The following PTPN4 variants were observed in gnomAD, a reference collection of about 807,000 sequenced individuals.
PTPN4 encodes tyrosine-protein phosphatase non-receptor type 4.
In PTPN4, 49 loss-of-function variants were observed where a neutral mutation model predicts 135.5. The ratio of observed to expected loss-of-function variants is 0.36; its 90% CI spans 0.29 to 0.46. The LOEUF (loss-of-function observed/expected upper bound fraction) is 0.46, where lower values mean the gene tolerates loss of function less well. PTPN4 is among the 20% of genes least tolerant of loss of function. The pLI is 1.00. For synonymous variants in PTPN4, 333 were observed against 369.9 expected, an observed-to-expected ratio of 0.90 and a Z score of 1.14; for missense variants, 860 against 1,101.0, an observed-to-expected ratio of 0.78 and a Z score of 3.10.
rs972964683 is a variant in PTPN4, at chr2:119,978,920, A to G, written c.*1850A>G. On this transcript the variant is annotated 3_prime_UTR_variant, in exon 27 of 27. Coordinates refer to ENST00000263708, the MANE Select transcript of PTPN4 (RefSeq NM_002830.4). Reference sequence around the variant, plus strand: ...TAAACATTAATAGCCAAGATACCAAATAAATTATCATATTAAAATATTTAA... The same window carrying G: ...TAAACATTAATAGCCAAGATACCAAGTAAATTATCATATTAAAATATTTAA... 6.6e-6 allele frequency: 1 copy of G among 152,138 alleles called. No homozygotes were observed. The highest frequency in any genetic ancestry group is 1.5e-5 in the Non-Finnish European group (1 of 67,970). 9.4% of individuals were successfully genotyped at this position (152,138 alleles called of 1,614,324 possible).
At chr2:119,958,482 T>TA (rs1469534456) in intron 22 of PTPN4, among the ~76,000 whole-genome samples, 3 of 152,212 alleles carry the variant, frequency 2.0e-5, no homozygotes, top group Admixed American at 6.5e-5. Context: ...CCATACCTCT[T>TA]ACGCAGTTTC....
At chr2:119,925,571 C>G (rs116612656) in intron 12 of PTPN4, among the ~76,000 whole-genome samples, 1 of 152,082 alleles carries the variant, frequency 6.6e-6, no homozygotes, top group Non-Finnish European at 1.5e-5. Context: ...GGTTAGACAT[C>G]TTGTAAATGA....
At chr2:119,816,562 T>A (rs1676990311) in intron 2 of PTPN4, among the ~76,000 whole-genome samples, 1 of 152,188 alleles carries the variant, frequency 6.6e-6, no homozygotes, top group Non-Finnish European at 1.5e-5. Context: ...TAATTTCTGT[T>A]ATTACTGCAT....
intron 1 of PTPN4, among the ~76,000 whole-genome samples, chr2:119,782,188 G>C (rs540354630): frequency 1.3e-5 from 2 of 152,064 alleles, no homozygotes. Flanking sequence ...AGGCCAAAGC[G>C]GGCAGATCAC....
At chr2:119,936,043 C>T (rs1166065738) in intron 15 of PTPN4, among the ~76,000 whole-genome samples, 2 of 151,910 alleles carry the variant, frequency 1.3e-5, no homozygotes, top group Non-Finnish European at 2.9e-5. Context: ...CGCTCTTTCA[C>T]CCAGGCGGGA....
intron 1 of PTPN4, among the ~76,000 whole-genome samples, chr2:119,799,772 T>C (rs1691328342): frequency 6.6e-6 from 1 of 152,174 alleles, no homozygotes; most frequent in Admixed American, 6.5e-5. Context: ...ACTAGGTGGG[T>C]TAGCTTCAAG....
At chr2:119,791,425 C>T (rs902258779) in intron 1 of PTPN4, among the ~76,000 whole-genome samples, 3 of 152,164 alleles carry the variant, frequency 2.0e-5, no homozygotes, top group Non-Finnish European at 2.9e-5. Context: ...AGCCACCTAG[C>T]TTAGGCTATC....
rs371673870 is a variant in PTPN4 at position 119,855,442 on chromosome 2, G to T, written c.139-7094G>T. 4.6e-5 allele frequency among the ~76,000 whole-genome samples: 7 copies of T among 152,274 alleles called. No homozygotes were observed. The East Asian group carries it at 1.3e-3, about 29-fold the overall frequency. The stretch of plus-strand genomic sequence containing the variant: ...TATAGCCCTGTTCCTTGAAGGGACG[G>T]TTCTAAGTTGTGGCTTGTGAGAGAC... On this transcript the variant is annotated intron_variant, in intron 2 of 26. Transcript: ENST00000263708.
intron 14 of PTPN4, among the ~76,000 whole-genome samples, chr2:119,933,704 G>A (rs970554756): frequency 6.6e-6 from 1 of 151,540 alleles, no homozygotes. Context: ...AGCATTGAAG[G>A]CTATTATCAG....
Position 119,955,192 on chromosome 2 carries a change from G to T in PTPN4, c.1849G>T (p.Glu617Ter), listed in dbSNP as rs1404270687. ...TGTAGTGGAAGAAAAGCTAGAAAATGAGCCAGATTTCCAGTATATTCCTGA... is the reference window on the plus strand; with the variant it reads ...TGTAGTGGAAGAAAAGCTAGAAAATTAGCCAGATTTCCAGTATATTCCTGA... ...YDVVEEKLEN[E>*]PDFQYIPEKA... The change falls in exon 20 of 27, where the codon GAG (glutamate) becomes TAG (stop). Residue 617 changes from glutamate to a stop codon, truncating the protein, a stop_gained. Coordinates refer to ENST00000263708, the MANE Select transcript of PTPN4 (RefSeq NM_002830.4). LOFTEE classifies it high-confidence loss of function. 1 of 1,611,364 alleles carries T rather than the reference G, an allele frequency of 6.2e-7. No homozygotes were observed. The highest frequency in any genetic ancestry group is 1.7e-5 in the Admixed American group (1 of 59,638).
At chr2:119,860,542 T>C (rs958519904) in intron 2 of PTPN4, among the ~76,000 whole-genome samples, 45 of 152,200 alleles carry the variant, frequency 3.0e-4, no homozygotes, top group African/African-American at 1.0e-3. Context: ...TGGAGTCTTT[T>C]GTGCCTCTGT....
At chr2:119,891,047 T>A (rs1349536076) in intron 9 of PTPN4, among the ~76,000 whole-genome samples, 1 of 152,236 alleles carries the variant, frequency 6.6e-6, no homozygotes, top group Non-Finnish European at 1.5e-5. Context: ...ACAGTCTGAT[T>A]ATAATGTTCC....
chr2:119,761,794 T>G (rs1016158757), intron 1 of PTPN4, among the ~76,000 whole-genome samples: 1 of 152,218 alleles, frequency 6.6e-6, no homozygotes, highest in African/African-American at 2.4e-5. Context: ...GCAAGAGGTT[T>G]TTAAAATCCA....
At chr2:119,895,907 ACT>A (rs1451914237) in intron 9 of PTPN4, among the ~76,000 whole-genome samples, 10 of 141,292 alleles carry the variant, frequency 7.1e-5, no homozygotes, top group African/African-American at 2.7e-4. Context: ...ATAGAGCCAG[ACT>A]CTGTCTCAAA....
intron 1 of PTPN4, among the ~76,000 whole-genome samples, chr2:119,801,481 C>G (rs1275774141): frequency 6.6e-6 from 1 of 152,086 alleles, no homozygotes; most frequent in Non-Finnish European, 1.5e-5. Flanking sequence ...ACCTGTATGC[C>G]TATTTGGAGA....
chr2:119,840,724 C>A (rs529239011), intron 2 of PTPN4, among the ~76,000 whole-genome samples: 1 of 152,290 alleles, frequency 6.6e-6, no homozygotes, highest in African/African-American at 2.4e-5. Flanking sequence ...ATAAAACATT[C>A]CTTTTTCTCC....
At chr2:119,782,908 A>G (rs1183775717) in intron 1 of PTPN4, among the ~76,000 whole-genome samples, 5 of 150,406 alleles carry the variant, frequency 3.3e-5, no homozygotes, top group African/African-American at 4.9e-5. Context: ...GGATCTCCCT[A>G]TGTTCCCCAG....
intron 6 of PTPN4, 113 bp downstream of exon 6, chr2:119,881,943 A>G: frequency 3.8e-6 from 4 of 1,048,970 alleles, no homozygotes; most frequent in South Asian, 2.8e-5. Flanking sequence ...AGAAGGTTAC[A>G]TGTAGTGTGA....
At chr2:119,895,290 C>T (rs909088152) in intron 9 of PTPN4, among the ~76,000 whole-genome samples, 16 of 152,072 alleles carry the variant, frequency 1.1e-4, no homozygotes, top group African/African-American at 2.2e-4. Flanking sequence ...AGTGGGTTTG[C>T]GTTATCGTAC....
Sources: allele counts gnomAD v4.1 joint callset (sites outside exome capture counted in the v4.1 genomes callset), GRCh38; gene constraint gnomAD v4.1.1; transcripts MANE v1.5; gene names NCBI Gene and HGNC (gene_info 2026-07-23, HGNC 2026-07-21).